The following RRAGC variants were observed in gnomAD, a reference collection of about 807,000 sequenced individuals.
RRAGC encodes the protein Ras related GTP binding C.
Under a neutral mutation model 37.1 loss-of-function variants are expected in RRAGC, and 8 were observed. The observed-to-expected ratio is 0.22, with a 90% CI of 0.13 to 0.39. The LOEUF (loss-of-function observed/expected upper bound fraction) is 0.39. Among genes scored for constraint, RRAGC ranks in the 10% least tolerant of loss-of-function variants. RRAGC has a pLI of 1.00. For synonymous variants in RRAGC, 190 were observed against 181.1 expected, an observed-to-expected ratio of 1.05 and a Z score of -0.39; for missense variants, 342 against 497.6, an observed-to-expected ratio of 0.69 and a Z score of 2.98.
Position 38,839,410 on chromosome 1 carries a change from C to T in RRAGC, c.*143G>A. On this transcript the variant is annotated 3_prime_UTR_variant, in exon 7 of 7. Coordinates refer to ENST00000373001, the MANE Select transcript of RRAGC (RefSeq NM_022157.4). ...CACCACCAGTTGAAGGGGTTTTCAT[C>T]CAAATGAGAAACTCTACCCCTTGTC... is the stretch of plus-strand genomic sequence containing the variant. The T allele has an allele frequency of 1.1e-5, 8 of 740,790 alleles. No individual in the cohort carries two copies. In the East Asian group the frequency reaches 1.9e-4, roughly 18 times the overall value. 45.9% of individuals were successfully genotyped at this position (740,790 alleles called of 1,614,324 possible).
At chr1:38,850,493 G>A (rs971164476) in intron 5 of RRAGC, among the ~76,000 whole-genome samples, 59 of 150,856 alleles carry the variant, frequency 3.9e-4, no homozygotes, top group African/African-American at 1.4e-3. Flanking sequence ...CAGCCTGGGC[G>A]ACGGAGCAAG....
Position 38,839,700 on chromosome 1 carries a change from T to C in RRAGC, c.1053A>G (p.Leu351=). The C allele has an allele frequency of 1.2e-6, 2 of 1,613,988 alleles. No homozygotes were observed. The highest frequency in any genetic ancestry group is 1.1e-5 in the South Asian group (1 of 91,076). The change falls in exon 7 of 7, where the codon TTA becomes TTG. Residue 351 remains leucine, a synonymous_variant. Coordinates refer to ENST00000373001, the MANE Select transcript of RRAGC (RefSeq NM_022157.4). ...GGAAACAGTGGAAGTTGTAGTCTAT[T>C]AAACCTGCAGGAAGGAAAAAGAAAA... ...LREESFERKG[L]IDYNFHCFRK...
In RRAGC at chr1:38,847,775, A is replaced by G. The variant is rs1411225731; in HGVS notation, c.900-1688T>C. 2.0e-5 allele frequency: 3 copies of G among 152,192 alleles called. No individual in the cohort carries two copies. In the South Asian group the frequency reaches 6.2e-4, roughly 31 times the overall value. The allele number at this position is 152,192 out of a possible 1,614,324, so 9.4% of individuals were successfully genotyped here. A position where few individuals can be genotyped will look rare whatever the true frequency, so the allele number is the denominator to read the frequency against. On this transcript the variant is annotated intron_variant, in intron 5 of 6. Coordinates refer to ENST00000373001, the MANE Select transcript of RRAGC (RefSeq NM_022157.4). ...TTGAAAAGATACAGAGGCCAGGCAC[A>G]TGGCATACACCTGTAATCCCAACAC... is the stretch of plus-strand genomic sequence containing the variant.
intron 5 of RRAGC, among the ~76,000 whole-genome samples, chr1:38,850,263 C>T (rs968269186): frequency 5.9e-5 from 9 of 151,892 alleles, no homozygotes; most frequent in African/African-American, 2.2e-4. Context: ...GTAATCCCAG[C>T]ACTTTGGGAG....
chr1:38,844,834 CAAAA>C (rs913022466), intron 6 of RRAGC, among the ~76,000 whole-genome samples: 1 of 152,134 alleles, frequency 6.6e-6, no homozygotes, highest in Non-Finnish European at 1.5e-5. Flanking sequence ...AGCCACTTCT[CAAAA>C]GAAGACATTT....
chr1:38,850,487 C>A (rs550108046), intron 5 of RRAGC, among the ~76,000 whole-genome samples: 1 of 151,712 alleles, frequency 6.6e-6, no homozygotes, highest in Middle Eastern at 3.4e-3. Context: ...ACACTCCAGC[C>A]TGGGCGACGG....
intron 6 of RRAGC, among the ~76,000 whole-genome samples, chr1:38,840,224 G>C (rs575828363): frequency 1.3e-5 from 2 of 151,098 alleles, no homozygotes; most frequent in Non-Finnish European, 2.9e-5. Flanking sequence ...AAACAAATGC[G>C]ATTGCAATTA....
At position 38,855,844 on chromosome 1, in the gene RRAGC, G is replaced by C. The variant is rs1243369647; in HGVS notation, c.505C>G (p.Pro169Ala). ...ITVSKAYKVN[P>A]DMNFEVFIHK... ...ATAAAAACCTCAAAATTCATGTCTG[G>C]GTTAACTTTGTAGGCTTTAGAAACA... is the stretch of plus-strand genomic sequence containing the variant. Residue 169 changes from proline to alanine, a missense_variant, in exon 3 of 7, where the codon CCA becomes GCA. Physicochemically the swap from Pro to Ala is conservative, Grantham distance 27. This residue lies in a region of RRAGC where 134 missense variants were observed against 277.2 expected (regional missense o/e 0.48). Transcript: ENST00000373001. 1.2e-6 allele frequency: 2 copies of C among 1,613,734 alleles called. No homozygotes were observed. Among genetic ancestry groups the C allele is most frequent in the Non-Finnish European group, 1.7e-6 (2 of 1,179,836 alleles).
At position 38,839,726 on chromosome 1, in the gene RRAGC, G is replaced by T. The variant is rs778243664; in HGVS notation, c.1049-22C>A. The T allele has an allele frequency of 8.7e-6, 14 of 1,611,224 alleles. No homozygotes were observed. In the South Asian group the frequency reaches 1.5e-4, roughly 18 times the overall value. On this transcript the variant is annotated intron_variant, in intron 6 of 6. Transcript: ENST00000373001. ...AAACCTGCAGGAAGGAAAAAGAAAA[G>T]AATGCCTCCTGAATTGTCAATTGTG... is the stretch of plus-strand genomic sequence containing the variant.
At position 38,859,613 on chromosome 1, in the gene RRAGC, G is replaced by T; in HGVS notation, c.34C>A (p.Leu12Ile). The T allele has an allele frequency of 1.3e-6, 2 of 1,564,140 alleles. No homozygotes were observed. The highest frequency in any genetic ancestry group is 2.4e-5 in the East Asian group (1 of 42,486). ...TCGGCCGCGCCGTAACTGCCGGCGA[G>T]GGGCGTCTCCTCCGCCCCGTACTGC... The part of the protein sequence containing the change: ...SLQYGAEETP[L>I]AGSYGAADSF... The change falls in exon 1 of 7, where the codon CTC (leucine) becomes ATC (isoleucine). Residue 12 changes from leucine (L) to isoleucine (I), a missense_variant. By Grantham distance (5) the Leu-to-Ile change is conservative. Transcript: ENST00000373001.
At chr1:38,853,389 C>T (rs1194494042) in intron 3 of RRAGC, among the ~76,000 whole-genome samples, 2 of 152,140 alleles carry the variant, frequency 1.3e-5, no homozygotes, top group Non-Finnish European at 2.9e-5. Context: ...ATTATATAGT[C>T]GCATCCACCA....
At chr1:38,848,397 C>A (rs1222585683) in intron 5 of RRAGC, among the ~76,000 whole-genome samples, 1 of 152,134 alleles carries the variant, frequency 6.6e-6, no homozygotes, top group Non-Finnish European at 1.5e-5. Flanking sequence ...ATTCCCTAAA[C>A]CAGTACCCAC....
intron 5 of RRAGC, chr1:38,847,393 T>A (rs1642039731): frequency 6.6e-6 from 1 of 151,620 alleles, no homozygotes; most frequent in South Asian, 2.1e-4. Context: ...GAGGAATGCT[T>A]GAGCTTTGGA....
At chr1:38,850,396 C>T (rs1270271681) in intron 5 of RRAGC, among the ~76,000 whole-genome samples, 1 of 151,850 alleles carries the variant, frequency 6.6e-6, no homozygotes, top group Non-Finnish European at 1.5e-5. Context: ...CACCTGTAGT[C>T]CCAGCTACTC....
At chr1:38,856,186 C>T (rs1009847964) in intron 2 of RRAGC, among the ~76,000 whole-genome samples, 17 of 152,008 alleles carry the variant, frequency 1.1e-4, no homozygotes, top group African/African-American at 4.1e-4. Flanking sequence ...TTTAAGTAAT[C>T]CCAGCTCTGC....
intron 5 of RRAGC, chr1:38,846,604 G>C (rs1642030335): frequency 6.6e-6 from 1 of 152,326 alleles, no homozygotes; most frequent in African/African-American, 2.4e-5. Flanking sequence ...GACTAAACAA[G>C]AACAGTCTCA....
At chr1:38,845,277 A>G (rs1642014578) in intron 6 of RRAGC, among the ~76,000 whole-genome samples, 1 of 152,218 alleles carries the variant, frequency 6.6e-6, no homozygotes, top group Non-Finnish European at 1.5e-5. Context: ...CATATACATC[A>G]TGGAATATTA....
At position 38,839,563 on chromosome 1, in the gene RRAGC, T is replaced by C. The variant is rs755057549; in HGVS notation, c.1190A>G (p.Asn397Ser). ...ACGCTGGGATTCAGACTAGATGGCG[T>C]TTCGTGGCGTGCCATTGTGTGTCAG... The part of the protein sequence containing the change: ...KALTHNGTPR[N>S]AI Residue 397 changes from asparagine to serine, a missense_variant, in exon 7 of 7, where the codon AAC becomes AGC. Asn to Ser is a conservative substitution (Grantham distance 46, BLOSUM62 1). This residue lies in a region of RRAGC where 104 missense variants were observed against 127.0 expected (regional missense o/e 0.82). Coordinates refer to ENST00000373001, the MANE Select transcript of RRAGC (RefSeq NM_022157.4). The C allele has an allele frequency of 3.1e-6, 5 of 1,613,900 alleles. No homozygotes were observed. Among genetic ancestry groups the C allele is most frequent in the Non-Finnish European group, 4.2e-6 (5 of 1,179,978 alleles).
At chr1:38,855,321 G>A (rs1377142131) in intron 3 of RRAGC, among the ~76,000 whole-genome samples, 1 of 148,934 alleles carries the variant, frequency 6.7e-6, no homozygotes, top group African/African-American at 2.6e-5. Flanking sequence ...TACTGTCTAA[G>A]ACTCAAGCTA....
Sources: allele counts gnomAD v4.1 joint callset (sites outside exome capture counted in the v4.1 genomes callset), GRCh38; gene constraint gnomAD v4.1.1; regional missense constraint gnomAD v4.1.1; transcripts MANE v1.5; gene names NCBI Gene and HGNC (gene_info 2026-07-23, HGNC 2026-07-21).